The following DNM1L variants were observed in gnomAD, a reference collection of about 807,000 sequenced individuals.
The protein encoded by DNM1L is dynamin-1-like protein.
DNM1L carries 33 observed loss-of-function variants against 92.8 expected under a neutral mutation model. The ratio of observed to expected loss-of-function variants is 0.36; its 90% CI spans 0.27 to 0.48. The LOEUF is 0.48. DNM1L is among the 20% of genes least tolerant of loss of function. The probability of loss-of-function intolerance (pLI) is 0.99; values close to 1 mark genes in which losing one functional copy is unlikely to be tolerated. For synonymous variants in DNM1L, 284 were observed against 305.0 expected, an observed-to-expected ratio of 0.93 and a Z score of 0.72; for missense variants, 485 against 888.8, an observed-to-expected ratio of 0.55 and a Z score of 5.78.
chr12:32,705,876 C>T, intron 2 of DNM1L: 1 of 1,597,416 alleles, frequency 6.3e-7, no homozygotes, highest in South Asian at 1.1e-5. Context: ...TTCCTTTATC[C>T]ATTTGCTTTT....
chr12:32,716,245 G>A (rs1003732449), intron 6 of DNM1L, among the ~76,000 whole-genome samples: 2 of 151,824 alleles, frequency 1.3e-5, no homozygotes, highest in East Asian at 1.9e-4. Flanking sequence ...AATTTGGTGG[G>A]GGGGGGTGGC....
In DNM1L at chr12:32,722,389, A is replaced by T. The variant is rs759212487; in HGVS notation, c.873-38A>T. The T allele has an allele frequency of 4.4e-6, 7 of 1,582,512 alleles. No homozygotes were observed. The African/African-American group carries it at 9.4e-5, about 21-fold the overall frequency. On this transcript the variant is annotated intron_variant, in intron 8 of 19. Transcript: ENST00000549701. ...CTTGTTTAGGGCTTTAGAATACACA[A>T]TTTTACTTTTAAATCCTTCCTTTCT...
chr12:32,730,907 G>T, intron 9 of DNM1L, 107 bp from the exon 10 acceptor site: 1 of 1,502,056 alleles, frequency 6.7e-7, no homozygotes, highest in Non-Finnish European at 9.2e-7. Flanking sequence ...TTTATCTGAG[G>T]CTTTCTCAGA....
intron 9 of DNM1L, chr12:32,726,426 T>G: frequency 6.7e-7 from 1 of 1,482,760 alleles, no homozygotes; most frequent in Admixed American, 1.7e-5. Context: ...CTTCGGGTCA[T>G]AGTCTGGATC....
At chr12:32,702,233 C>CAAA (rs1179046487) in intron 2 of DNM1L, among the ~76,000 whole-genome samples, 1,980 of 79,878 alleles carry the variant, frequency 0.025, 85 homozygotes, top group African/African-American at 0.072. Flanking sequence ...GACTCCGTCT[C>CAAA]AAAAAAAAAA....
At chr12:32,701,299 T>C in intron 1 of DNM1L, 116 bp from the exon 2 acceptor site, 1 of 890,924 alleles carries the variant, frequency 1.1e-6, no homozygotes, top group Non-Finnish European at 1.7e-6. Context: ...AAATAGTCTC[T>C]GCACTAATTT....
rs1955194030 is a variant in DNM1L at position 32,740,252 on chromosome 12, C to T, written c.1884+12C>T. The T allele has an allele frequency of 6.2e-7, 1 of 1,614,130 alleles. No individual in the cohort carries two copies. Among genetic ancestry groups the T allele is most frequent in the Non-Finnish European group, 8.5e-7 (1 of 1,180,016 alleles). ...ACCTGCTAGATGTGGTAAGCCATGA[C>T]AATTTGGTTTAGGTAATAAGGTAGG... On this transcript the variant is annotated intron_variant, in intron 17 of 19. Coordinates refer to ENST00000549701, the MANE Select transcript of DNM1L (RefSeq NM_012062.5).
At chr12:32,704,125 C>T (rs1483572637) in intron 2 of DNM1L, among the ~76,000 whole-genome samples, 1 of 151,568 alleles carries the variant, frequency 6.6e-6, no homozygotes, top group Non-Finnish European at 1.5e-5. Flanking sequence ...TGATTAAAGG[C>T]CAAAATTGTG....
In DNM1L at chr12:32,733,733, A is replaced by G. The variant is rs770290056; in HGVS notation, c.1465A>G (p.Ile489Val). 16 of 1,613,876 alleles carry G rather than the reference A, an allele frequency of 9.9e-6. No individual in the cohort carries two copies. The African/African-American group carries it at 1.3e-4, about 13-fold the overall frequency. ...TNEMVHNLVA[I>V]ELAYINTKHP... Reference sequence around the variant, plus strand: ...TTTCTAGGTCCATAACTTAGTGGCAATTGAACTGGCTTATATCAACACAAA... The same window carrying G: ...TTTCTAGGTCCATAACTTAGTGGCAGTTGAACTGGCTTATATCAACACAAA... The change falls in exon 13 of 20, where the codon ATT (isoleucine) becomes GTT (valine). Residue 489 changes from isoleucine to valine, a missense_variant. Coordinates refer to ENST00000549701, the MANE Select transcript of DNM1L (RefSeq NM_012062.5).
intron 9 of DNM1L, among the ~76,000 whole-genome samples, chr12:32,729,249 T>C (rs1954376651): frequency 6.6e-6 from 1 of 151,916 alleles, no homozygotes; most frequent in Non-Finnish European, 1.5e-5. Context: ...GCCCGGCTAA[T>C]TTTTTGTATT....
chr12:32,733,216 T>C (rs1162614961), intron 12 of DNM1L, among the ~76,000 whole-genome samples: 2 of 152,242 alleles, frequency 1.3e-5, no homozygotes, highest in Non-Finnish European at 2.9e-5. Flanking sequence ...ATATTTTAAC[T>C]AGGTGCTTTA....
chr12:32,743,367 CCAGT>C lies in DNM1L; in HGVS notation c.2171_2174del (p.Ser724LysfsTer23), dbSNP rs756091903. On this transcript the variant is annotated frameshift_variant, in exon 20 of 20. Coordinates refer to ENST00000549701, the MANE Select transcript of DNM1L (RefSeq NM_012062.5). LOFTEE classifies it high-confidence loss of function. ...CCTTTAATGCAGGCATTACAAGGAGCCAGTCAAATTATTGCTGAAATCCGGGAGA... is the reference window on the plus strand; with the variant it reads ...CCTTTAATGCAGGCATTACAAGGAGCCAAATTATTGCTGAAATCCGGGAGA... 6.2e-7 allele frequency: 1 copy of C among 1,613,816 alleles called. No homozygotes were observed. The highest frequency in any genetic ancestry group is 1.1e-5 in the South Asian group (1 of 91,054).
chr12:32,707,157 A>G (rs1211698278), intron 2 of DNM1L: 1 of 474,868 alleles, frequency 2.1e-6, no homozygotes, highest in Non-Finnish European at 3.7e-6. Flanking sequence ...TGTTTTTGAA[A>G]TACACCATAC....
chr12:32,718,500 A>T (rs907419781), intron 6 of DNM1L, 143 bp from the exon 7 acceptor site: 2 of 1,031,944 alleles, frequency 1.9e-6, no homozygotes, highest in East Asian at 2.5e-5. Context: ...AGCACTGGTA[A>T]GTAAGGCATT....
intron 1 of DNM1L, chr12:32,679,674 G>A: frequency 2.4e-6 from 3 of 1,267,364 alleles, no homozygotes; most frequent in Non-Finnish European, 3.0e-6. Context: ...GGAGAATCCG[G>A]GGCCCGGCCA....
chr12:32,722,556 C>T lies in DNM1L; in HGVS notation c.1002C>T (p.Leu334=), dbSNP rs147773105. 1.6e-5 allele frequency: 26 copies of T among 1,613,452 alleles called. No individual in the cohort carries two copies. In the Admixed American group the frequency reaches 3.7e-4, roughly 23 times the overall value. ...TGGATGATAAAAGTGCTACTTTACT[C>T]CAACTTATTACCAAATTTGCCACAG... ...EPVDDKSATL[L]QLITKFATEY... is the part of the protein sequence containing the mutation. The change falls in exon 9 of 20, where the codon CTC becomes CTT. Residue 334 remains leucine, a synonymous_variant. Coordinates refer to ENST00000549701, the MANE Select transcript of DNM1L (RefSeq NM_012062.5).
At chr12:32,716,096 C>G (rs972535969) in intron 6 of DNM1L, among the ~76,000 whole-genome samples, 2 of 152,028 alleles carry the variant, frequency 1.3e-5, no homozygotes, top group Non-Finnish European at 2.9e-5. Flanking sequence ...TACAAGAACA[C>G]GGATGAATCT....
At chr12:32,733,856 A>G (rs752680906) in intron 13 of DNM1L, 49 bp downstream of exon 13, 2 of 1,527,112 alleles carry the variant, frequency 1.3e-6, no homozygotes, top group Admixed American at 1.7e-5. Flanking sequence ...AATCTGTTGT[A>G]ACTCAGTTAT....
At chr12:32,679,842 C>A in intron 1 of DNM1L, 1 of 1,001,514 alleles carries the variant, frequency 1.0e-6, no homozygotes, top group Admixed American at 6.0e-5. Flanking sequence ...ACGCGCGGGG[C>A]ACTCGGGTCT....
Sources: gnomAD v4.1 joint callset for allele counts (sites outside exome capture counted in the v4.1 genomes callset) on GRCh38, gnomAD v4.1.1 for gene constraint, MANE v1.5 for transcripts, NCBI Gene and HGNC (gene_info 2026-07-23, HGNC 2026-07-21) for gene names.